CFAP43: variants seen among roughly 807,000 people sequenced by gnomAD.
CFAP43 encodes the protein cilia and flagella associated protein 43, also known as cilia- and flagella-associated protein 43.
CFAP43 carries 155 observed loss-of-function variants against 218.9 expected under a neutral mutation model. The observed-to-expected ratio is 0.71, with a 90% CI of 0.62 to 0.81. The LOEUF is 0.81. Among genes scored for constraint, CFAP43 ranks in the 30% least tolerant of loss-of-function variants. The pLI is 0.00. For missense variants in CFAP43, 1,778 were observed against 1,954.3 expected (o/e 0.91, Z 1.70); for synonymous variants, 645 against 681.3 (o/e 0.95, Z 0.83).
chr10:104,181,108 T>TGGG (rs1193658136), intron 17 of CFAP43, among the ~76,000 whole-genome samples: 1 of 152,220 alleles, frequency 6.6e-6, no homozygotes, highest in Admixed American at 6.5e-5. Flanking sequence ...GAGCTTAATG[T>TGGG]GGGTAAAACT....
chr10:104,203,787 G>A lies in CFAP43; in HGVS notation c.980C>T (p.Ser327Phe), dbSNP rs368108875. 4.4e-6 allele frequency: 7 copies of A among 1,603,956 alleles called. No individual in the cohort carries two copies. The highest frequency in any genetic ancestry group is 1.3e-5 in the African/African-American group (1 of 74,492). Residue 327 changes from serine (S) to phenylalanine (F), a missense_variant, in exon 8 of 38, where the codon TCT (serine) becomes TTT (phenylalanine). This residue lies in a region of CFAP43 where 1,553 missense variants were observed against 1,685.2 expected (regional missense o/e 0.92). Coordinates refer to ENST00000357060, the MANE Select transcript of CFAP43 (RefSeq NM_025145.7). Reference protein sequence around the residue: ...LASGIDGFVYSFIIKDRSYMI... With the variant: ...LASGIDGFVYFFIIKDRSYMI... ...GTAACTTCTATCTTTAATAATAAAA[G>A]AATACACAAAGCCATCCTAGAGATG... is the stretch of plus-strand genomic sequence containing the variant.
In CFAP43 at chr10:104,212,145, T is replaced by C. The variant is rs2090883438; in HGVS notation, c.597A>G (p.Leu199=). The stretch of plus-strand genomic sequence containing the variant: ...TAAAAAATGACCCATCTTCTAGAGG[T>C]AATTTCACCGACCTGTAGACAAAAG... ...EHCFRARSVK[L]PLEDGSFFNE... is the part of the protein sequence containing the mutation. Residue 199 remains leucine, a synonymous_variant, in exon 5 of 38, where the codon TTA becomes TTG. Coordinates refer to ENST00000357060, the MANE Select transcript of CFAP43 (RefSeq NM_025145.7). 11 of 1,613,498 alleles carry C rather than the reference T, an allele frequency of 6.8e-6. No homozygotes were observed. The highest frequency in any genetic ancestry group is 7.6e-6 in the Non-Finnish European group (9 of 1,179,728).
chr10:104,167,961 G>C (rs2089245731), intron 21 of CFAP43, among the ~76,000 whole-genome samples: 1 of 152,120 alleles, frequency 6.6e-6, no homozygotes, highest in Non-Finnish European at 1.5e-5. Context: ...CTGATTTTTA[G>C]GTCAGTAGTT....
Position 104,188,277 on chromosome 10 carries a change from C to T in CFAP43, c.1680G>A (p.Leu560=). The change falls in exon 13 of 38, where the codon CTG becomes CTA. Residue 560 remains leucine (L), a synonymous_variant. Transcript: ENST00000357060. The part of the protein sequence containing the change: ...RLEMFTLPTL[L]PQVSTTFADE... ...TGCTTATGTTTTCCTTACCTTGTGG[C>T]AGTAATGTAGGCAGTGTGAACATCT... 6.2e-7 allele frequency: 1 copy of T among 1,613,474 alleles called. No individual in the cohort carries two copies.
In CFAP43 at chr10:104,148,528, T is replaced by G. The variant is rs147447849; in HGVS notation, c.3661-530A>C. Among the ~76,000 whole-genome samples, 1,475 of 152,232 alleles carry G rather than the reference T, an allele frequency of 9.7e-3. 12 individuals are homozygous for G. The highest frequency in any genetic ancestry group is 0.014 in the Admixed American group (215 of 15,272). On this transcript the variant is annotated intron_variant, in intron 28 of 37. Coordinates refer to ENST00000357060, the MANE Select transcript of CFAP43 (RefSeq NM_025145.7). ...GAGGTGTTTGGGTCATGGGTATGGG[T>G]CCCTCATGAATAGATCAATTCCCTC... is the stretch of plus-strand genomic sequence containing the variant.
chr10:104,176,482 T>C (rs2089634972), intron 19 of CFAP43, among the ~76,000 whole-genome samples: 1 of 152,166 alleles, frequency 6.6e-6, no homozygotes, highest in African/African-American at 2.4e-5. Context: ...TGCTTTATAA[T>C]AAAATTATTT....
chr10:104,162,113 C>A, intron 25 of CFAP43, 72 bp from the exon 26 acceptor site: 2 of 1,467,952 alleles, frequency 1.4e-6, no homozygotes, highest in South Asian at 2.4e-5. Context: ...CCAGAGGCAG[C>A]TTCCCACCCA....
chr10:104,206,058 C>T, intron 6 of CFAP43, 28 bp from the exon 7 acceptor site: 1 of 1,546,282 alleles, frequency 6.5e-7, no homozygotes, highest in Non-Finnish European at 8.8e-7. Flanking sequence ...CAAGGTAAAG[C>T]AGGTGACGTA....
Position 104,172,995 on chromosome 10 carries a change from T to C in CFAP43, c.2461-460A>G, listed in dbSNP as rs547391064. ...ATGTATTATATTATTCTCTCCAATT[T>C]TGTATAAATTTGAACTTCTATACAA... On this transcript the variant is annotated intron_variant, in intron 19 of 37. Coordinates refer to ENST00000357060, the MANE Select transcript of CFAP43 (RefSeq NM_025145.7). Among the ~76,000 whole-genome samples, 7 of 152,304 alleles carry C rather than the reference T, an allele frequency of 4.6e-5. No individual in the cohort carries two copies. In the East Asian group the frequency reaches 1.3e-3, roughly 29 times the overall value.
intron 8 of CFAP43, among the ~76,000 whole-genome samples, chr10:104,200,597 G>C (rs1255298026): frequency 6.6e-6 from 1 of 150,934 alleles, no homozygotes; most frequent in African/African-American, 2.4e-5. Context: ...CTTGAACCTG[G>C]GAGGTGGAGG....
intron 30 of CFAP43, among the ~76,000 whole-genome samples, 181 bp from the exon 31 acceptor site, chr10:104,145,745 A>G (rs1363313942): frequency 6.6e-6 from 1 of 152,224 alleles, no homozygotes; most frequent in African/African-American, 2.4e-5. Context: ...ATTTGTTTTG[A>G]TAAGAAGCAT....
intron 17 of CFAP43, among the ~76,000 whole-genome samples, chr10:104,180,752 C>T (rs1315478946): frequency 6.6e-6 from 1 of 152,048 alleles, no homozygotes; most frequent in East Asian, 1.9e-4. Context: ...CCCGCCGGCC[C>T]ACCACCCTGT....
In CFAP43 at chr10:104,212,094, C is replaced by A. The variant is rs2090880673; in HGVS notation, c.648G>T (p.Gln216His). ...CATAGATGAGATCTTTCGGCAACGA[C>A]TGGGGGAAAACGACATCCGTTTCAT... Reference protein sequence around the residue: ...FFNETDVVFPQSLPKDLIYGP... With the variant: ...FFNETDVVFPHSLPKDLIYGP... Residue 216 changes from glutamine to histidine, a missense_variant, in exon 5 of 38, where the codon CAG becomes CAT. By Grantham distance (24) the Gln-to-His change is conservative (BLOSUM62 0). Transcript: ENST00000357060. The A allele has an allele frequency of 6.2e-7, 1 of 1,614,032 alleles. No homozygotes were observed. The highest frequency in any genetic ancestry group is 8.5e-7 in the Non-Finnish European group (1 of 1,179,972).
intron 29 of CFAP43, 139 bp from the exon 30 acceptor site, chr10:104,146,488 AT>A: frequency 1.6e-6 from 1 of 637,800 alleles, no homozygotes; most frequent in Non-Finnish European, 2.7e-6. Context: ...TGAAGATAAG[AT>A]TTATAGAAGA....
chr10:104,222,256 C>T (rs1447000480), intron 3 of CFAP43, among the ~76,000 whole-genome samples: 1 of 152,162 alleles, frequency 6.6e-6, no homozygotes, highest in Non-Finnish European at 1.5e-5. Context: ...TGAGTTGCAT[C>T]CTCCTCCCTG....
intron 20 of CFAP43, among the ~76,000 whole-genome samples, chr10:104,172,103 C>T (rs996587729): frequency 2.6e-5 from 4 of 152,088 alleles, no homozygotes; most frequent in East Asian, 1.9e-4. Flanking sequence ...AAACCAGAAG[C>T]GTCCAAAGTT....
In CFAP43 at chr10:104,133,664, C is replaced by T. The variant is rs2087303781; in HGVS notation, c.4552G>A (p.Ala1518Thr). ...EMEREDLNQK[A>T]WDIQMLFFSR... ...AAAAATAGCATCTGAATATCCCAAG[C>T]CTTCTGATTTAGATCTTCCCTTTCC... Residue 1518 changes from alanine (A) to threonine (T), a missense_variant, in exon 35 of 38, where the codon GCT becomes ACT. By Grantham distance (58) the Ala-to-Thr change is moderately conservative. Around this residue, in one of 3 missense-constraint regions of CFAP43, gnomAD observed 211 missense variants for 230.6 expected, o/e 0.91. Transcript: ENST00000357060. 3 of 1,613,488 alleles carry T rather than the reference C, an allele frequency of 1.9e-6. No homozygotes were observed. Among genetic ancestry groups the T allele is most frequent in the Non-Finnish European group, 2.5e-6 (3 of 1,179,738 alleles).
intron 23 of CFAP43, 119 bp downstream of exon 23, chr10:104,166,369 G>C (rs1482141936): frequency 1.3e-6 from 1 of 749,506 alleles, no homozygotes; most frequent in African/African-American, 1.8e-5. Flanking sequence ...ACTGTGCCCA[G>C]CCTCCTCTAT....
At chr10:104,141,722 T>C (rs1258578242) in intron 33 of CFAP43, among the ~76,000 whole-genome samples, 4 of 152,224 alleles carry the variant, frequency 2.6e-5, no homozygotes, top group African/African-American at 9.6e-5. Flanking sequence ...ACAAATCTAT[T>C]TCTGGGTAAT....
Sources: gnomAD v4.1 joint callset for allele counts (sites outside exome capture counted in the v4.1 genomes callset) on GRCh38, gnomAD v4.1.1 for gene constraint, gnomAD v4.1.1 regional missense constraint, MANE v1.5 for transcripts, NCBI Gene and HGNC (gene_info 2026-07-23, HGNC 2026-07-21) for gene names.